CATSPERG: variants seen among roughly 807,000 people sequenced by gnomAD.
CATSPERG encodes catsper channel auxiliary subunit gamma, also known as cation channel sperm-associated auxiliary subunit gamma.
Under a neutral mutation model 145.0 loss-of-function variants are expected in CATSPERG, and 115 were observed. The ratio of observed to expected loss-of-function variants is 0.79; its 90% CI spans 0.68 to 0.93. The LOEUF (loss-of-function observed/expected upper bound fraction) is 0.93, where lower values mean the gene tolerates loss of function less well. Among genes scored for constraint, CATSPERG ranks in the 40% least tolerant of loss-of-function variants. The pLI is 0.00. For synonymous variants in CATSPERG, 588 were observed against 589.0 expected, an observed-to-expected ratio of 1.00 and a Z score of 0.02; for missense variants, 1,296 against 1,490.1, an observed-to-expected ratio of 0.87 and a Z score of 2.14.
Position 38,343,819 on chromosome 19 carries a change from G to A in CATSPERG, c.469+95G>A, listed in dbSNP as rs540991404. The A allele has an allele frequency of 2.1e-6, 3 of 1,438,024 alleles. No individual in the cohort carries two copies. The South Asian group carries it at 3.9e-5, about 19-fold the overall frequency. The allele number at this position is 1,438,024 out of a possible 1,614,324, so 89.1% of individuals were successfully genotyped here. ...GGCCATGATCTGAGGAGGGTATGTGGGGGGCGGGAGCTCAGCACATTCCAT... is the reference window on the plus strand; with the variant it reads ...GGCCATGATCTGAGGAGGGTATGTGAGGGGCGGGAGCTCAGCACATTCCAT... On this transcript the variant is annotated intron_variant, in intron 4 of 28. Transcript: ENST00000409235.
At chr19:38,363,718 C>T (rs897193114) in intron 20 of CATSPERG, among the ~76,000 whole-genome samples, 5 of 151,830 alleles carry the variant, frequency 3.3e-5, no homozygotes, top group Admixed American at 6.6e-5. Context: ...CATCTTGCAC[C>T]GCCCTTAATC....
rs1970000497 is a variant in CATSPERG at position 38,344,742 on chromosome 19, CTGTA to C, written c.669+375_669+378del. Among the ~76,000 whole-genome samples the C allele has an allele frequency of 2.4e-4, 32 of 135,824 alleles. 2 individuals are homozygous for C. The Admixed American group carries it at 2.5e-3, about 11-fold the overall frequency. The allele number at this position is 135,824 out of a possible 152,430, so 89.1% of individuals were successfully genotyped here. On this transcript the variant is annotated intron_variant, in intron 6 of 28. Transcript: ENST00000409235. ...CTGTACATACATATATAGTACATAC[CTGTA>C]CATACATATATAGTACATACCTGTA...
intron 2 of CATSPERG, 27 bp from the exon 3 acceptor site, chr19:38,337,566 G>C: frequency 6.4e-7 from 1 of 1,551,822 alleles, no homozygotes; most frequent in Non-Finnish European, 8.7e-7. Flanking sequence ...CTCATTTCTG[G>C]ACGTGTGGCC....
rs1401472939 is a variant in CATSPERG at position 38,345,156 on chromosome 19, C to T, written c.669+788C>T. On this transcript the variant is annotated intron_variant, in intron 6 of 28. Coordinates refer to ENST00000409235, the MANE Select transcript of CATSPERG (RefSeq NM_021185.5). ...TCGCCCAGGCTAGAGTGCAGTGGTACGATCTTGCCTCATTGTAACCTCCAC... is the reference window on the plus strand; with the variant it reads ...TCGCCCAGGCTAGAGTGCAGTGGTATGATCTTGCCTCATTGTAACCTCCAC... Among the ~76,000 whole-genome samples, 18 of 151,630 alleles carry T rather than the reference C, an allele frequency of 1.2e-4. No homozygotes were observed. The East Asian group carries it at 1.5e-3, about 13-fold the overall frequency.
chr19:38,344,878 C>T (rs1280228529), intron 6 of CATSPERG, among the ~76,000 whole-genome samples: 28 of 77,984 alleles, frequency 3.6e-4, no homozygotes, highest in Admixed American at 1.1e-3. Context: ...CACACACACA[C>T]ACACATATAT....
chr19:38,356,538 T>C lies in CATSPERG; in HGVS notation c.1190T>C (p.Ile397Thr). The change falls in exon 10 of 29, where the codon ATA becomes ACA. Residue 397 changes from isoleucine to threonine, a missense_variant. By Grantham distance (89) the Ile-to-Thr change is moderately conservative (BLOSUM62 -1). Coordinates refer to ENST00000409235, the MANE Select transcript of CATSPERG (RefSeq NM_021185.5). The part of the protein sequence containing the change: ...LPRQWSVCEQ[I>T]GVTTCSIIWS... ...AGGCAGTGGTCTGTGTGCGAGCAGATAGGAGGTACTCATTACCCCGATGGG... is the reference window on the plus strand; with the variant it reads ...AGGCAGTGGTCTGTGTGCGAGCAGACAGGAGGTACTCATTACCCCGATGGG... 1 of 1,613,304 alleles carries C rather than the reference T, an allele frequency of 6.2e-7. No homozygotes were observed. The highest frequency in any genetic ancestry group is 8.5e-7 in the Non-Finnish European group (1 of 1,179,808).
chr19:38,368,574 C>T (rs1970495408), intron 26 of CATSPERG, among the ~76,000 whole-genome samples: 1 of 152,204 alleles, frequency 6.6e-6, no homozygotes, highest in Admixed American at 6.5e-5. Context: ...TGGAGTTTTG[C>T]TCTTTGTTGC....
chr19:38,337,141 G>A, intron 1 of CATSPERG, 80 bp from the exon 2 acceptor site: 1 of 1,489,864 alleles, frequency 6.7e-7, no homozygotes, highest in Non-Finnish European at 9.0e-7. Flanking sequence ...GCTGTGAGAG[G>A]CGCAGAAGCG....
chr19:38,337,249 C>G lies in CATSPERG; in HGVS notation c.15C>G (p.Ala5=). 6.4e-7 allele frequency: 1 copy of G among 1,551,384 alleles called. No individual in the cohort carries two copies. Among genetic ancestry groups the G allele is most frequent in the Non-Finnish European group, 8.7e-7 (1 of 1,147,016 alleles). Residue 5 remains alanine (A), a synonymous_variant, in exon 2 of 29, where the codon GCC becomes GCG. Coordinates refer to ENST00000409235, the MANE Select transcript of CATSPERG (RefSeq NM_021185.5). ...CTAGCCACGTTATGTGCGGCCCAGC[C>G]ATGTTCCCTGCCGGTCCTCCGTGGC... is the stretch of plus-strand genomic sequence containing the variant. MCGP[A]MFPAGPPWPR...
chr19:38,358,057 G>T, intron 11 of CATSPERG: 1 of 543,640 alleles, frequency 1.8e-6, no homozygotes, highest in South Asian at 2.4e-5. Flanking sequence ...GGCAGAAGTT[G>T]CAGTGAGCTG....
At chr19:38,360,457 G>A (rs376366341) in intron 14 of CATSPERG, 32 bp from the exon 15 acceptor site, 22 of 1,612,596 alleles carry the variant, frequency 1.4e-5, no homozygotes, top group Admixed American at 6.7e-5. Flanking sequence ...CCATGGTCCT[G>A]ACACACACAC....
At chr19:38,350,209 G>A (rs1399534745) in intron 7 of CATSPERG, among the ~76,000 whole-genome samples, 1 of 152,176 alleles carries the variant, frequency 6.6e-6, no homozygotes, top group Non-Finnish European at 1.5e-5. Flanking sequence ...TACATGCCCA[G>A]CTAAACTCAA....
Position 38,344,719 on chromosome 19 carries a change from GTACATACATATATAGTACATACCT to G in CATSPERG, c.669+352_669+375del, listed in dbSNP as rs1969999508. Among the ~76,000 whole-genome samples the G allele has an allele frequency of 1.9e-4, 26 of 136,890 alleles. No homozygotes were observed. The South Asian group carries it at 5.7e-3, about 30-fold the overall frequency. 89.8% of individuals were successfully genotyped at this position (136,890 alleles called of 152,430 possible). Reference sequence around the variant, plus strand: ...GTACATACATATATAGTACATACCTGTACATACATATATAGTACATACCTGTACATACATATATAGTACATACCT... The same window carrying G: ...GTACATACATATATAGTACATACCTGGTACATACATATATAGTACATACCT... On this transcript the variant is annotated intron_variant, in intron 6 of 28. Transcript: ENST00000409235.
rs1352513681 is a variant in CATSPERG, at chr19:38,370,195, C to T, written c.3150C>T (p.Leu1050=). ...VDTSTYCNYQ[L]TFLLHIHGLP... ...CGAGCACCTACTGCAACTACCAGCT[C>T]ACCTTCCTGCTGCACATCCACGGGC... is the stretch of plus-strand genomic sequence containing the variant. Residue 1050 remains leucine, a synonymous_variant, in exon 28 of 29, where the codon CTC becomes CTT. Transcript: ENST00000409235. 24 of 1,613,934 alleles carry T rather than the reference C, an allele frequency of 1.5e-5. No homozygotes were observed. The highest frequency in any genetic ancestry group is 2.0e-5 in the Non-Finnish European group (24 of 1,180,036).
chr19:38,359,982 T>TG (rs1203890228), intron 14 of CATSPERG: 1 of 1,034,938 alleles, frequency 9.7e-7, no homozygotes, highest in Admixed American at 5.1e-5. Flanking sequence ...GAGGGCTTCA[T>TG]GGGGGAGACC....
intron 7 of CATSPERG, among the ~76,000 whole-genome samples, chr19:38,351,847 A>G (rs541382728): frequency 1.3e-5 from 2 of 151,936 alleles, no homozygotes; most frequent in South Asian, 4.2e-4. Context: ...AGGAGTTTGA[A>G]GCTGCAGTGA....
In CATSPERG at chr19:38,362,811, T is replaced by C. The variant is rs774474755; in HGVS notation, c.2454T>C (p.Asn818=). The C allele has an allele frequency of 9.3e-6, 15 of 1,612,250 alleles. No homozygotes were observed. In the Admixed American group the frequency reaches 2.0e-4, roughly 22 times the overall value. The change falls in exon 20 of 29, where the codon AAT becomes AAC. Residue 818 remains asparagine, a synonymous_variant. Coordinates refer to ENST00000409235, the MANE Select transcript of CATSPERG (RefSeq NM_021185.5). ...EASVKQEVLI[N]RNSVLFSITL... is the part of the protein sequence containing the mutation. ...CGGTGAAGCAGGAGGTCCTGATTAA[T>C]CGCAACTCGGTGCTATTTTCGGTGA... is the stretch of plus-strand genomic sequence containing the variant.
At position 38,361,720 on chromosome 19, in the gene CATSPERG, G is replaced by T. The variant is rs751044128; in HGVS notation, c.1953G>T (p.Pro651=). The T allele has an allele frequency of 1.7e-4, 281 of 1,613,074 alleles. No homozygotes were observed. The highest frequency in any genetic ancestry group is 2.3e-4 in the Non-Finnish European group (270 of 1,179,884). Residue 651 remains proline, a synonymous_variant, in exon 17 of 29, where the codon CCG becomes CCT. Coordinates refer to ENST00000409235, the MANE Select transcript of CATSPERG (RefSeq NM_021185.5). The stretch of plus-strand genomic sequence containing the variant: ...TGCGCCTGCGGAGCCTGCCCAGTCC[G>T]CAGAGATACACGCGCCAGGAGCGCT... ...SVMRLRSLPS[P]QRYTRQERYR... is the part of the protein sequence containing the mutation.
At chr19:38,364,527 G>A (rs1206623758) in intron 20 of CATSPERG, among the ~76,000 whole-genome samples, 1 of 152,252 alleles carries the variant, frequency 6.6e-6, no homozygotes, top group Non-Finnish European at 1.5e-5. Context: ...GGTGGCGGCC[G>A]GGCAGAGGCT....
Sources: allele counts gnomAD v4.1 joint callset (sites outside exome capture counted in the v4.1 genomes callset), GRCh38; gene constraint gnomAD v4.1.1; transcripts MANE v1.5; gene names NCBI Gene and HGNC (gene_info 2026-07-23, HGNC 2026-07-21).